The following WWOX variants were observed in gnomAD, a reference collection of about 807,000 sequenced individuals.
WWOX encodes the protein WW domain containing oxidoreductase, also known as WW domain-containing oxidoreductase.
A neutral mutation model predicts 46.2 loss-of-function variants in WWOX; 69 were observed. The ratio of observed to expected loss-of-function variants is 1.49; its 90% CI spans 1.23 to 1.82. The LOEUF is 1.82. WWOX is among the 40% of genes most tolerant of loss of function. The pLI is 0.00. For synonymous variants in WWOX, 359 were observed against 202.6 expected (o/e 1.77, Z -6.56); for missense variants, 919 against 542.6 (o/e 1.69, Z -6.89).
intron 8 of WWOX, among the ~76,000 whole-genome samples, chr16:79,192,925 T>G (rs1173933244): frequency 2.6e-5 from 4 of 152,172 alleles, no homozygotes; most frequent in Non-Finnish European, 5.9e-5. Flanking sequence ...GGTACAGTGG[T>G]TGAAGAAAAG....
intron 6 of WWOX, among the ~76,000 whole-genome samples, chr16:78,394,975 C>T (rs567759992): frequency 3.3e-4 from 51 of 152,286 alleles, no homozygotes; most frequent in African/African-American, 1.2e-3. Flanking sequence ...TGTGTATTTT[C>T]ACAGTGCTTT....
chr16:78,637,474 T>A (rs570203136), intron 8 of WWOX, among the ~76,000 whole-genome samples: 135 of 151,990 alleles, frequency 8.9e-4, no homozygotes, highest in African/African-American at 3.2e-3. Context: ...TGGCCCCACG[T>A]TACAGATGAG....
chr16:79,059,583 C>A (rs370975267), intron 8 of WWOX, among the ~76,000 whole-genome samples: 1 of 152,144 alleles, frequency 6.6e-6, no homozygotes, highest in African/African-American at 2.4e-5. Context: ...CTCCGCCTTC[C>A]GGGTTCAAGT....
chr16:78,505,487 AT>A (rs1316373475), intron 8 of WWOX, among the ~76,000 whole-genome samples: 1 of 152,116 alleles, frequency 6.6e-6, no homozygotes, highest in Non-Finnish European at 1.5e-5. Flanking sequence ...TCGTACCTAG[AT>A]TTGGCCTGGG....
At chr16:79,058,457 GAA>G (rs2048304879) in intron 8 of WWOX, among the ~76,000 whole-genome samples, 1 of 152,086 alleles carries the variant, frequency 6.6e-6, no homozygotes, top group African/African-American at 2.4e-5. Flanking sequence ...GTGAGAGAAG[GAA>G]GGAAGAGAGA....
At chr16:78,149,771 C>G (rs1331554648) in intron 4 of WWOX, among the ~76,000 whole-genome samples, 1 of 152,180 alleles carries the variant, frequency 6.6e-6, no homozygotes, top group African/African-American at 2.4e-5. Flanking sequence ...GACTGACAGT[C>G]AAGACCCTGT....
chr16:78,203,337 G>T (rs1180452227), intron 5 of WWOX, among the ~76,000 whole-genome samples: 2 of 152,124 alleles, frequency 1.3e-5, no homozygotes, highest in Non-Finnish European at 2.9e-5. Context: ...CATGTTCTGG[G>T]ACAAATCAAT....
At chr16:78,143,752 G>GTTTTTTTTTTTTTTTTTTTTTTTTTT (rs200125720) in intron 4 of WWOX, among the ~76,000 whole-genome samples, 2 of 120,240 alleles carry the variant, frequency 1.7e-5, no homozygotes, top group Non-Finnish European at 3.4e-5. Flanking sequence ...GAATTGGTAT[G>GTTTTTTTTTTTTTTTTTTTTTTTTTT]TTTTTTTTTT....
At chr16:78,714,035 C>T (rs183824548) in intron 8 of WWOX, among the ~76,000 whole-genome samples, 2 of 152,064 alleles carry the variant, frequency 1.3e-5, no homozygotes, top group African/African-American at 4.8e-5. Context: ...GGTAAGGGAA[C>T]TGGGGAAAAG....
rs2205384 is a variant in WWOX at position 78,841,402 on chromosome 16, T to A, written c.1057-370206T>A. On this transcript the variant is annotated intron_variant, in intron 8 of 8. Coordinates refer to ENST00000566780, the MANE Select transcript of WWOX (RefSeq NM_016373.4). Reference sequence around the variant, plus strand: ...GCAGCTCATGAGAGCAGATTTTGCCTGTTTCTTCCAAAATCTGGATTCAGT... The same window carrying A: ...GCAGCTCATGAGAGCAGATTTTGCCAGTTTCTTCCAAAATCTGGATTCAGT... Among the ~76,000 whole-genome samples the A allele has an allele frequency of 1.9e-3, 292 of 152,350 alleles. 1 individual carries two copies. The South Asian group carries it at 0.022, about 11-fold the overall frequency.
At chr16:78,537,078 A>G (rs937176958) in intron 8 of WWOX, among the ~76,000 whole-genome samples, 4 of 151,880 alleles carry the variant, frequency 2.6e-5, no homozygotes, top group Non-Finnish European at 4.4e-5. Context: ...CACCACACTC[A>G]GCTAATATTT....
At chr16:78,137,438 A>G (rs952328914) in intron 4 of WWOX, among the ~76,000 whole-genome samples, 1 of 152,208 alleles carries the variant, frequency 6.6e-6, no homozygotes, top group Admixed American at 6.5e-5. Context: ...AGAATTCGAC[A>G]AGGTGGAATG....
chr16:78,188,229 C>A (rs923819889), intron 5 of WWOX, among the ~76,000 whole-genome samples: 1 of 152,138 alleles, frequency 6.6e-6, no homozygotes, highest in African/African-American at 2.4e-5. Context: ...GGAGCTCACA[C>A]CTGTAATCCC....
chr16:78,708,928 G>A (rs1285019849), intron 8 of WWOX, among the ~76,000 whole-genome samples: 3 of 152,162 alleles, frequency 2.0e-5, no homozygotes, highest in Non-Finnish European at 4.4e-5. Flanking sequence ...AAAATAAAAA[G>A]AAGGCAGGGA....
At chr16:78,367,510 C>G (rs1201242586) in intron 5 of WWOX, among the ~76,000 whole-genome samples, 1 of 151,970 alleles carries the variant, frequency 6.6e-6, no homozygotes, top group African/African-American at 2.4e-5. Flanking sequence ...CCAGGGAAGC[C>G]AAAAGATTGG....
At position 78,348,114 on chromosome 16, in the gene WWOX, C is replaced by G. The variant is rs1034060273; in HGVS notation, c.517-38746C>G. 2.6e-4 allele frequency among the ~76,000 whole-genome samples: 32 copies of G among 122,262 alleles called. 7 individuals carry two copies. The highest frequency in any genetic ancestry group is 8.0e-4 in the African/African-American group (29 of 36,108). 80.2% of individuals were successfully genotyped at this position (122,262 alleles called of 152,430 possible). A position where few individuals can be genotyped will look rare whatever the true frequency, so the allele number is the denominator to read the frequency against. ...TGGAAATAGTTCTTTTATTATTGCT[C>G]CCTGCAATGGGAACAGAGCTGAGGC... On this transcript the variant is annotated intron_variant, in intron 5 of 8. Coordinates refer to ENST00000566780, the MANE Select transcript of WWOX (RefSeq NM_016373.4).
chr16:79,176,147 C>T (rs577790360), intron 8 of WWOX, among the ~76,000 whole-genome samples: 4 of 152,276 alleles, frequency 2.6e-5, no homozygotes, highest in South Asian at 2.1e-4. Flanking sequence ...GGCTGAGCTA[C>T]AGTAAGAAAT....
intron 8 of WWOX, among the ~76,000 whole-genome samples, chr16:79,138,289 C>T (rs1028233597): frequency 6.6e-6 from 1 of 152,216 alleles, no homozygotes; most frequent in African/African-American, 2.4e-5. Context: ...TGTAATTCGT[C>T]ATGATCCTTT....
chr16:78,775,131 G>T (rs1272059114), intron 8 of WWOX, among the ~76,000 whole-genome samples: 1 of 152,164 alleles, frequency 6.6e-6, no homozygotes, highest in African/African-American at 2.4e-5. Flanking sequence ...TGTATTTTTA[G>T]AAGTGTCTGG....
Sources: allele counts gnomAD v4.1 joint callset (sites outside exome capture counted in the v4.1 genomes callset), GRCh38; gene constraint gnomAD v4.1.1; transcripts MANE v1.5; gene names NCBI Gene and HGNC (gene_info 2026-07-23, HGNC 2026-07-21).